Variants in LRRTM4 observed in about 807,000 individuals in gnomAD.
The protein encoded by LRRTM4 is leucine rich repeat transmembrane neuronal 4, also known as leucine-rich repeat transmembrane neuronal protein 4.
In LRRTM4, 25 loss-of-function variants were observed where a neutral mutation model predicts 47.6. The observed-to-expected ratio is 0.53, with a 90% CI of 0.38 to 0.73. The LOEUF is 0.73. Ranked by LOEUF, LRRTM4 falls within the 30% of genes least tolerant of loss-of-function variation. The pLI, the probability that LRRTM4 is intolerant of heterozygous loss-of-function variation, is 0.00. For synonymous variants in LRRTM4, 311 were observed against 269.5 expected (o/e 1.15, Z -1.51); for missense variants, 638 against 713.4 (o/e 0.89, Z 1.20).
intron 3 of LRRTM4, among the ~76,000 whole-genome samples, chr2:77,119,569 A>G (rs1267743832): frequency 1.3e-5 from 2 of 151,928 alleles, no homozygotes; most frequent in South Asian, 2.1e-4. Flanking sequence ...CTGTACTACA[A>G]ATACTAAGAG....
At chr2:76,754,372 CT>C (rs1156930696) in intron 3 of LRRTM4, among the ~76,000 whole-genome samples, 1 of 151,582 alleles carries the variant, frequency 6.6e-6, no homozygotes, top group Non-Finnish European at 1.5e-5. Flanking sequence ...ACTCATTTAA[CT>C]TAGACAAAAG....
rs1362256617 is a variant in LRRTM4, at chr2:76,932,199, C to A, written c.1552-183283G>T. On this transcript the variant is annotated intron_variant, in intron 3 of 3. Transcript: ENST00000409884. ...TGTGATCACCTCCTTAGTAGCTAGACTTTAAGCTGAAAACCTGAAATGACT... is the reference window on the plus strand; with the variant it reads ...TGTGATCACCTCCTTAGTAGCTAGAATTTAAGCTGAAAACCTGAAATGACT... Among the ~76,000 whole-genome samples the A allele has an allele frequency of 3.3e-5, 5 of 152,068 alleles. No individual in the cohort carries two copies. In the East Asian group the frequency reaches 7.7e-4, roughly 24 times the overall value.
intron 3 of LRRTM4, among the ~76,000 whole-genome samples, chr2:77,039,809 A>C (rs1185184254): frequency 6.6e-6 from 1 of 151,150 alleles, no homozygotes; most frequent in Non-Finnish European, 1.5e-5. Context: ...ATGATTAACA[A>C]AATAATTAGG....
intron 3 of LRRTM4, among the ~76,000 whole-genome samples, chr2:77,474,914 T>G (rs1291620872): frequency 6.6e-6 from 1 of 152,248 alleles, no homozygotes; most frequent in East Asian, 1.9e-4. Flanking sequence ...AGTTGTCGAC[T>G]GCCAGGCAGC....
intron 3 of LRRTM4, among the ~76,000 whole-genome samples, chr2:77,380,951 A>T (rs1171953159): frequency 6.6e-6 from 1 of 152,166 alleles, no homozygotes; most frequent in Non-Finnish European, 1.5e-5. Flanking sequence ...ACAACAGATA[A>T]AAGATAATAA....
chr2:76,869,562 T>TA (rs1158028076), intron 3 of LRRTM4, among the ~76,000 whole-genome samples: 1 of 151,980 alleles, frequency 6.6e-6, no homozygotes, highest in Non-Finnish European at 1.5e-5. Flanking sequence ...TTGATTTTTT[T>TA]AAAAAAAGTC....
intron 3 of LRRTM4, among the ~76,000 whole-genome samples, chr2:77,340,855 T>C (rs537221759): frequency 4.6e-5 from 7 of 151,988 alleles, no homozygotes; most frequent in Admixed American, 3.3e-4. Context: ...GTAAAGAAGA[T>C]GTTTTAAAAA....
At chr2:76,891,775 T>A (rs910100056) in intron 3 of LRRTM4, among the ~76,000 whole-genome samples, 1 of 151,658 alleles carries the variant, frequency 6.6e-6, no homozygotes, top group Non-Finnish European at 1.5e-5. Context: ...GAGGAAAACA[T>A]AGATGAATTG....
At chr2:77,042,972 G>C (rs984584086) in intron 3 of LRRTM4, among the ~76,000 whole-genome samples, 1 of 151,598 alleles carries the variant, frequency 6.6e-6, no homozygotes, top group Non-Finnish European at 1.5e-5. Flanking sequence ...GTGGGCAGAT[G>C]GTGGGGGTTT....
intron 3 of LRRTM4, among the ~76,000 whole-genome samples, chr2:77,498,105 T>C (rs1678430460): frequency 6.6e-6 from 1 of 151,750 alleles, no homozygotes; most frequent in Non-Finnish European, 1.5e-5. Flanking sequence ...AAGAAAAAAA[T>C]ATTATTTTCT....
intron 3 of LRRTM4, among the ~76,000 whole-genome samples, chr2:77,290,978 G>A (rs1423921333): frequency 6.6e-6 from 1 of 152,024 alleles, no homozygotes; most frequent in African/African-American, 2.4e-5. Context: ...CCCAGAGGAG[G>A]ACATTACTGC....
At chr2:76,891,688 G>A (rs967715906) in intron 3 of LRRTM4, among the ~76,000 whole-genome samples, 2 of 151,668 alleles carry the variant, frequency 1.3e-5, no homozygotes, top group South Asian at 4.1e-4. Context: ...CATGAAATTG[G>A]ATTCATACCT....
chr2:77,240,142 T>G (rs1266977371), intron 3 of LRRTM4, among the ~76,000 whole-genome samples: 1 of 151,852 alleles, frequency 6.6e-6, no homozygotes, highest in African/African-American at 2.4e-5. Flanking sequence ...ATCTATAAAA[T>G]TTCCATATAT....
At chr2:77,310,737 G>C (rs1224175750) in intron 3 of LRRTM4, among the ~76,000 whole-genome samples, 1 of 152,130 alleles carries the variant, frequency 6.6e-6, no homozygotes, top group Non-Finnish European at 1.5e-5. Context: ...GGAAAGATCA[G>C]ACAACTACAA....
intron 3 of LRRTM4, among the ~76,000 whole-genome samples, chr2:77,379,143 G>A (rs767736291): frequency 7.4e-4 from 112 of 151,932 alleles, no homozygotes; most frequent in Non-Finnish European, 2.6e-4. Context: ...TTTCTTTCAA[G>A]AGTAGATTTT....
intron 3 of LRRTM4, among the ~76,000 whole-genome samples, chr2:76,943,470 T>C (rs1398516206): frequency 1.3e-5 from 2 of 152,080 alleles, no homozygotes; most frequent in Non-Finnish European, 2.9e-5. Flanking sequence ...TAAAACTGCC[T>C]GGATGATTAA....
chr2:76,944,370 A>T (rs1018608367), intron 3 of LRRTM4, among the ~76,000 whole-genome samples: 3 of 152,130 alleles, frequency 2.0e-5, no homozygotes, highest in Non-Finnish European at 2.9e-5. Context: ...TCCCAGCACC[A>T]AAAAACACAC....
intron 3 of LRRTM4, among the ~76,000 whole-genome samples, chr2:77,359,246 A>T (rs906754173): frequency 1.3e-5 from 2 of 152,094 alleles, no homozygotes; most frequent in African/African-American, 4.8e-5. Context: ...AGTAAGAGAA[A>T]TTCATTTTGT....
chr2:76,802,815 G>A (rs1407878907), intron 3 of LRRTM4, among the ~76,000 whole-genome samples: 1 of 152,064 alleles, frequency 6.6e-6, no homozygotes, highest in Non-Finnish European at 1.5e-5. Flanking sequence ...CAGTCAATTG[G>A]TTTTTGACAA....
Sources: gnomAD v4.1 joint callset for allele counts (sites outside exome capture counted in the v4.1 genomes callset) on GRCh38, gnomAD v4.1.1 for gene constraint, MANE v1.5 for transcripts, NCBI Gene and HGNC (gene_info 2026-07-23, HGNC 2026-07-21) for gene names.